SLFN11: variants seen among roughly 807,000 people sequenced by gnomAD.
SLFN11 encodes the protein schlafen family member 11.
Under a neutral mutation model 53.4 loss-of-function variants are expected in SLFN11, and 43 were observed. The ratio of observed to expected loss-of-function variants is 0.80; its 90% CI spans 0.63 to 1.04. The LOEUF is 1.04. Ranked by LOEUF, SLFN11 falls within the 50% of genes least tolerant of loss-of-function variation. SLFN11 has a pLI of 0.00. For synonymous variants in SLFN11, 389 were observed against 394.7 expected (o/e 0.99, Z 0.17); for missense variants, 990 against 1,079.1 (o/e 0.92, Z 1.16).
At position 35,355,494 on chromosome 17, in the gene SLFN11, G is replaced by A. The variant is rs769075042; in HGVS notation, c.1199-1435C>T. Among the ~76,000 whole-genome samples, 117 of 152,126 alleles carry A rather than the reference G, an allele frequency of 7.7e-4. 1 individual carries two copies. Among genetic ancestry groups the A allele is most frequent in the Non-Finnish European group, 8.8e-4 (60 of 67,978 alleles). On this transcript the variant is annotated intron_variant, in intron 5 of 6. Transcript: ENST00000685675. ...TCTGAACCCAAGTCTCTTGGACATCGGATCCTCTACTGTTTTTGCCCTGCC... is the reference window on the plus strand; with the variant it reads ...TCTGAACCCAAGTCTCTTGGACATCAGATCCTCTACTGTTTTTGCCCTGCC...
chr17:35,353,262 A>G (rs764604688), intron 6 of SLFN11, 74 bp downstream of exon 6: 129 of 1,606,234 alleles, frequency 8.0e-5, no homozygotes, highest in Non-Finnish European at 8.0e-5. Flanking sequence ...AATTCTCAAG[A>G]AAGACGGTGA....
At chr17:35,372,253 T>C (rs1441526535) in intron 1 of SLFN11, among the ~76,000 whole-genome samples, 1 of 152,076 alleles carries the variant, frequency 6.6e-6, no homozygotes, top group African/African-American at 2.4e-5. Flanking sequence ...TCTCACTTAT[T>C]TGTGGCATCT....
rs552674283 is a variant in SLFN11, at chr17:35,351,223, G to C, written c.*1133C>G. On this transcript the variant is annotated 3_prime_UTR_variant, in exon 7 of 7. Transcript: ENST00000685675. ...CATGCCCTCTTGTTTGCATGCACAG[G>C]GAGGGAGGGAACAAGCTCTCTGGGG... The C allele has an allele frequency of 6.6e-6, 1 of 152,254 alleles. No homozygotes were observed. The highest frequency in any genetic ancestry group is 2.4e-5 in the African/African-American group (1 of 41,446). The allele number at this position is 152,254 out of a possible 1,614,324, so 9.4% of individuals were successfully genotyped here. A position where few individuals can be genotyped will look rare whatever the true frequency, so the allele number is the denominator to read the frequency against.
chr17:35,370,620 C>T (rs566362953), intron 1 of SLFN11, among the ~76,000 whole-genome samples: 92 of 152,010 alleles, frequency 6.1e-4, no homozygotes, highest in African/African-American at 2.1e-3. Flanking sequence ...TAAACAAATT[C>T]AGTAAAGTTG....
intron 3 of SLFN11, among the ~76,000 whole-genome samples, chr17:35,364,873 TC>T (rs1381844579): frequency 1.3e-5 from 2 of 152,102 alleles, no homozygotes. Flanking sequence ...GGAAATAGTA[TC>T]ATCAAATACG....
chr17:35,367,929 G>C (rs886953443), intron 1 of SLFN11, among the ~76,000 whole-genome samples: 1 of 152,040 alleles, frequency 6.6e-6, no homozygotes, highest in Non-Finnish European at 1.5e-5. Context: ...ATGGAGCAGT[G>C]ACTCTGATGT....
chr17:35,363,240 C>T lies in SLFN11; in HGVS notation c.568G>A (p.Ala190Thr). 1 of 1,614,048 alleles carries T rather than the reference C, an allele frequency of 6.2e-7. No individual in the cohort carries two copies. Among genetic ancestry groups the T allele is most frequent in the East Asian group, 2.2e-5 (1 of 44,884 alleles). ...SDPADPNSDP[A>T]DLIFQKDYLE... ...TAGTCTTTTTGGAAAATTAGGTCAG[C>T]AGGATCCGAGTTTGGGTCAGCAGGA... Residue 190 changes from alanine to threonine, a missense_variant, in exon 4 of 7, where the codon GCT becomes ACT. Transcript: ENST00000685675.
chr17:35,358,481 G>C (rs1176769968), intron 5 of SLFN11, among the ~76,000 whole-genome samples: 1 of 150,580 alleles, frequency 6.6e-6, no homozygotes, highest in African/African-American at 2.4e-5. Flanking sequence ...TTTTGTTCCT[G>C]AATTTAATAG....
At chr17:35,359,842 G>A (rs564300096) in intron 5 of SLFN11, among the ~76,000 whole-genome samples, 57 of 152,192 alleles carry the variant, frequency 3.7e-4, no homozygotes, top group African/African-American at 9.6e-4. Flanking sequence ...TTCCAATCTA[G>A]ATGAACATAA....
At position 35,352,218 on chromosome 17, in the gene SLFN11, G is replaced by C; in HGVS notation, c.*138C>G. 1 of 1,131,908 alleles carries C rather than the reference G, an allele frequency of 8.8e-7. No individual in the cohort carries two copies. Among genetic ancestry groups the C allele is most frequent in the South Asian group, 1.6e-5 (1 of 64,172 alleles). The allele number at this position is 1,131,908 out of a possible 1,614,324, so 70.1% of individuals were successfully genotyped here. On this transcript the variant is annotated 3_prime_UTR_variant, in exon 7 of 7. Transcript: ENST00000685675. ...TGGGGAAGGAACCCCTGAAAGGAGAGCCAGAAATGGGGGAGCTCCAAACTC... is the reference window on the plus strand; with the variant it reads ...TGGGGAAGGAACCCCTGAAAGGAGACCCAGAAATGGGGGAGCTCCAAACTC...
At position 35,352,495 on chromosome 17, in the gene SLFN11, C is replaced by A. The variant is rs939685161; in HGVS notation, c.2567G>T (p.Arg856Leu). 1.2e-6 allele frequency: 2 copies of A among 1,614,046 alleles called. No homozygotes were observed. The highest frequency in any genetic ancestry group is 1.7e-6 in the Non-Finnish European group (2 of 1,180,048). ...GDHIVLDSVR[R>L]FSGLERSIVF... Reference sequence around the variant, plus strand: ...TATGCTCCTTTCCAGGCCTGAGAATCGCCGAACACTGTCCAACACAATGTG... The same window carrying A: ...TATGCTCCTTTCCAGGCCTGAGAATAGCCGAACACTGTCCAACACAATGTG... Residue 856 changes from arginine (R) to leucine (L), a missense_variant, in exon 7 of 7, where the codon CGA becomes CTA. By Grantham distance (102) the Arg-to-Leu change is moderately radical (BLOSUM62 -2). Transcript: ENST00000685675.
rs1389165128 is a variant in SLFN11 at position 35,363,788 on chromosome 17, G to T, written c.20C>A (p.Pro7His). 2 of 1,581,634 alleles carry T rather than the reference G, an allele frequency of 1.3e-6. No individual in the cohort carries two copies. Among genetic ancestry groups the T allele is most frequent in the Non-Finnish European group, 1.7e-6 (2 of 1,167,612 alleles). MEANQC[P>H]LVVEPSYPDL... ...TGGGTAAGATGGTTCCACAACCAGG[G>T]GGCACTGATTTGCCTCCATGTTGAA... The change falls in exon 4 of 7, where the codon CCC (proline) becomes CAC (histidine). Residue 7 changes from proline (P) to histidine (H), a missense_variant. Around this residue, in one of 3 missense-constraint regions of SLFN11, gnomAD observed 521 missense variants for 516.2 expected, o/e 1.01. Transcript: ENST00000685675.
chr17:35,370,816 G>C (rs1056448511), intron 1 of SLFN11, among the ~76,000 whole-genome samples: 1 of 150,256 alleles, frequency 6.7e-6, no homozygotes, highest in Non-Finnish European at 1.5e-5. Context: ...AGAAATTGAA[G>C]AGCCAAAATA....
chr17:35,365,461 AAT>A (rs201905712), intron 3 of SLFN11, among the ~76,000 whole-genome samples: 53,452 of 150,764 alleles, frequency 0.35, 9,663 homozygotes, highest in Admixed American at 0.42. Context: ...ATTCTTTAAA[AAT>A]TTTTTTTTTT....
intron 3 of SLFN11, among the ~76,000 whole-genome samples, chr17:35,364,449 G>C (rs1908689370): frequency 6.6e-6 from 1 of 152,080 alleles, no homozygotes; most frequent in Non-Finnish European, 1.5e-5. Flanking sequence ...GAGCCAAGGT[G>C]TCTAATACTG....
chr17:35,371,776 T>C (rs1909699574), intron 1 of SLFN11, among the ~76,000 whole-genome samples: 1 of 152,010 alleles, frequency 6.6e-6, no homozygotes, highest in Non-Finnish European at 1.5e-5. Flanking sequence ...TGAGATACCA[T>C]CTCATCCAAG....
chr17:35,370,568 GA>G (rs1217788070), intron 1 of SLFN11, among the ~76,000 whole-genome samples: 1 of 151,814 alleles, frequency 6.6e-6, no homozygotes, highest in Non-Finnish European at 1.5e-5. Flanking sequence ...TCTTACATTT[GA>G]AAAAAACCTA....
intron 5 of SLFN11, among the ~76,000 whole-genome samples, chr17:35,358,245 C>G (rs980906306): frequency 6.6e-6 from 1 of 151,200 alleles, no homozygotes; most frequent in East Asian, 1.9e-4. Context: ...ATTAAAGATA[C>G]TGAATTCTGC....
chr17:35,362,020 C>T (rs922348299), intron 4 of SLFN11, among the ~76,000 whole-genome samples: 1 of 152,028 alleles, frequency 6.6e-6, no homozygotes, highest in Non-Finnish European at 1.5e-5. Flanking sequence ...AGGCATGAGC[C>T]ACCAAGCCCA....
Sources: allele counts gnomAD v4.1 joint callset (sites outside exome capture counted in the v4.1 genomes callset), GRCh38; gene constraint gnomAD v4.1.1; regional missense constraint gnomAD v4.1.1; transcripts MANE v1.5; gene names NCBI Gene and HGNC (gene_info 2026-07-23, HGNC 2026-07-21).